Variants in CASS4 observed in about 807,000 individuals in gnomAD.
CASS4 encodes cas scaffolding protein family member 4.
In CASS4, 22 loss-of-function variants were observed where a neutral mutation model predicts 54.2. The observed-to-expected ratio is 0.41, with a 90% CI of 0.29 to 0.58. CASS4 has a LOEUF of 0.58. CASS4 is among the 20% of genes least tolerant of loss of function. The pLI, the probability that CASS4 is intolerant of heterozygous loss-of-function variation, is 0.36. For synonymous variants in CASS4, 409 were observed against 391.5 expected (o/e 1.04, Z -0.53); for missense variants, 854 against 986.7 (o/e 0.87, Z 1.80).
intron 1 of CASS4, among the ~76,000 whole-genome samples, chr20:56,418,409 G>A (rs1352542297): frequency 1.3e-5 from 2 of 152,172 alleles, no homozygotes; most frequent in Non-Finnish European, 2.9e-5. Flanking sequence ...GGGCCTGGTC[G>A]GCCGTGTAAG....
chr20:56,450,593 C>T lies in CASS4; in HGVS notation c.562-6C>T. On this transcript the variant is annotated splice_polypyrimidine_tract_variant and splice_region_variant and intron_variant, in intron 3 of 5. Transcript: ENST00000679887. ...CAAGTTGTCTGCCTTTGTGGTCTTT[C>T]CCCAGGAGCCAGAGAAGCAGCAGTT... 2 of 1,613,836 alleles carry T rather than the reference C, an allele frequency of 1.2e-6. No individual in the cohort carries two copies. The highest frequency in any genetic ancestry group is 1.7e-6 in the Non-Finnish European group (2 of 1,179,788).
In CASS4 at chr20:56,452,299, A is replaced by G; in HGVS notation, c.1123A>G (p.Asn375Asp). ...GGAGAAAGCCAAGGAGGTGTCAGAG[A>G]ATTCCGCGGGCCATAATTCCTCATG... Reference protein sequence around the residue: ...ELEKAKEVSENSAGHNSSWFS... With the variant: ...ELEKAKEVSEDSAGHNSSWFS... The change falls in exon 5 of 6, where the codon AAT becomes GAT. Residue 375 changes from asparagine (N) to aspartate (D), a missense_variant. Asn to Asp is a conservative substitution (Grantham distance 23). Transcript: ENST00000679887. The G allele has an allele frequency of 6.2e-7, 1 of 1,613,834 alleles. No individual in the cohort carries two copies.
At position 56,460,277 on chromosome 20, in the gene CASS4, T is replaced by G. The variant is rs995172596; in HGVS notation, c.*1530T>G. The G allele has an allele frequency of 4.6e-5, 7 of 152,582 alleles. No individual in the cohort carries two copies. Among genetic ancestry groups the G allele is most frequent in the Admixed American group, 2.0e-4 (3 of 15,286 alleles). The allele number at this position is 152,582 out of a possible 1,614,324, so 9.5% of individuals were successfully genotyped here. A position where few individuals can be genotyped will look rare whatever the true frequency, so the allele number is the denominator to read the frequency against. On this transcript the variant is annotated 3_prime_UTR_variant, in exon 6 of 6. Coordinates refer to ENST00000679887, the MANE Select transcript of CASS4 (RefSeq NM_020356.4). Reference sequence around the variant, plus strand: ...GTCTCAAATCTGTTACAATTTATATTGGTTGGTGCAAAAGTAATTGCGGTT... The same window carrying G: ...GTCTCAAATCTGTTACAATTTATATGGGTTGGTGCAAAAGTAATTGCGGTT...
chr20:56,420,055 A>T (rs773924285), intron 1 of CASS4, among the ~76,000 whole-genome samples: 41 of 152,212 alleles, frequency 2.7e-4, no homozygotes, highest in Non-Finnish European at 5.0e-4. Flanking sequence ...AAAAACAAAC[A>T]AACAAAAGAA....
chr20:56,432,449 C>A (rs1394112883), intron 1 of CASS4, among the ~76,000 whole-genome samples: 1 of 146,626 alleles, frequency 6.8e-6, no homozygotes, highest in Non-Finnish European at 1.5e-5. Flanking sequence ...CTCACTGCAA[C>A]CTCCACCTCC....
At chr20:56,448,842 A>G (rs1184248828) in intron 3 of CASS4, among the ~76,000 whole-genome samples, 6 of 152,186 alleles carry the variant, frequency 3.9e-5, no homozygotes, top group African/African-American at 1.4e-4. Flanking sequence ...GGGAGTGACA[A>G]TCAGATTTTT....
At chr20:56,448,186 GACTCATTTC>G (rs1393811822) in intron 3 of CASS4, among the ~76,000 whole-genome samples, 3 of 151,550 alleles carry the variant, frequency 2.0e-5, no homozygotes, top group African/African-American at 7.3e-5. Context: ...ACACTTGTAT[GACTCATTTC>G]ACTCATCTTG....
intron 2 of CASS4, among the ~76,000 whole-genome samples, chr20:56,439,215 C>A (rs1980343769): frequency 6.6e-6 from 1 of 152,008 alleles, no homozygotes; most frequent in South Asian, 2.1e-4. Context: ...GTCTCCCAGG[C>A]TGGAATGCAG....
intron 1 of CASS4, among the ~76,000 whole-genome samples, chr20:56,420,074 T>C (rs1489479684): frequency 3.3e-5 from 5 of 152,100 alleles, no homozygotes; most frequent in African/African-American, 9.7e-5. Flanking sequence ...AAAGCTCCTC[T>C]AGGAGATGAG....
rs528451703 is a variant in CASS4 at position 56,442,581 on chromosome 20, C to T, written c.460-3319C>T. Among the ~76,000 whole-genome samples, 7 of 151,918 alleles carry T rather than the reference C, an allele frequency of 4.6e-5. No individual in the cohort carries two copies. The South Asian group carries it at 1.5e-3, about 32-fold the overall frequency. ...GAAGCCTCCAGTGCCTTCTCTCTGT[C>T]ACTTCCCCACTAGGGTAACCACTAT... On this transcript the variant is annotated intron_variant, in intron 2 of 5. Coordinates refer to ENST00000679887, the MANE Select transcript of CASS4 (RefSeq NM_020356.4).
At chr20:56,454,640 G>A (rs997302563) in intron 5 of CASS4, among the ~76,000 whole-genome samples, 4 of 152,192 alleles carry the variant, frequency 2.6e-5, no homozygotes, top group African/African-American at 9.6e-5. Context: ...TTGGTAAGTT[G>A]AAGGGATTTT....
At chr20:56,456,385 T>TG (rs1981298049) in intron 5 of CASS4, among the ~76,000 whole-genome samples, 1 of 151,940 alleles carries the variant, frequency 6.6e-6, no homozygotes, top group Admixed American at 6.6e-5. Flanking sequence ...CTCTTCTTTT[T>TG]TTTTTTGAGA....
chr20:56,442,653 G>A (rs976312068), intron 2 of CASS4, among the ~76,000 whole-genome samples: 2 of 124,884 alleles, frequency 1.6e-5, no homozygotes, highest in Non-Finnish European at 3.1e-5. Context: ...AATATAATGT[G>A]CTGGCCTAAT....
intron 1 of CASS4, among the ~76,000 whole-genome samples, chr20:56,436,932 G>A (rs75131704): frequency 7.4e-4 from 113 of 152,210 alleles, no homozygotes; most frequent in African/African-American, 2.2e-3. Flanking sequence ...AGGACCATCC[G>A]ACCTCGTCTC....
At position 56,412,572 on chromosome 20, in the gene CASS4, T is replaced by C; in HGVS notation, c.36+78T>C. On this transcript the variant is annotated intron_variant, in intron 1 of 5. Coordinates refer to ENST00000679887, the MANE Select transcript of CASS4 (RefSeq NM_020356.4). The surrounding 1 kb of genome is among the most constrained non-coding windows in gnomAD (Gnocchi z 4.2). ...GATTAAGGGTGTTGACCAGCTTTAG[T>C]TGTGACTTTCTAATAAAGGTTGAAT... 1.4e-6 allele frequency: 2 copies of C among 1,456,990 alleles called. No individual in the cohort carries two copies. The highest frequency in any genetic ancestry group is 1.9e-6 in the Non-Finnish European group (2 of 1,060,458). The allele number at this position is 1,456,990 out of a possible 1,614,324, so 90.3% of individuals were successfully genotyped here.
At chr20:56,454,836 C>A (rs529770734) in intron 5 of CASS4, among the ~76,000 whole-genome samples, 1 of 152,332 alleles carries the variant, frequency 6.6e-6, no homozygotes, top group East Asian at 1.9e-4. Flanking sequence ...ACAGCCATGA[C>A]CCACATGGGC....
rs1351506925 is a variant in CASS4, at chr20:56,440,818, AG to A, written c.459+3239del. Among the ~76,000 whole-genome samples the A allele has an allele frequency of 3.3e-5, 5 of 152,184 alleles. No homozygotes were observed. The East Asian group carries it at 7.7e-4, about 24-fold the overall frequency. On this transcript the variant is annotated intron_variant, in intron 2 of 5. Transcript: ENST00000679887. The stretch of plus-strand genomic sequence containing the variant: ...AACAACAGAAACCGCAAGGAAATTC[AG>A]GGGGGGTCCCTTTAACCACTGAGCA...
intron 5 of CASS4, among the ~76,000 whole-genome samples, chr20:56,457,783 G>A (rs1330630690): frequency 1.3e-5 from 2 of 152,228 alleles, no homozygotes; most frequent in African/African-American, 2.4e-5. Context: ...AGGAGGCTGA[G>A]GTGGGCAGAT....
Position 56,453,135 on chromosome 20 carries a change from T to G in CASS4, c.1953+6T>G. 1.2e-6 allele frequency: 2 copies of G among 1,604,934 alleles called. No homozygotes were observed. Among genetic ancestry groups the G allele is most frequent in the Admixed American group, 1.7e-5 (1 of 59,590 alleles). Reference sequence around the variant, plus strand: ...GGGCAAATATCTGTGGACAGGTGAGTTCAGAGTTCCAAGTGATCGAAAAAG... The same window carrying G: ...GGGCAAATATCTGTGGACAGGTGAGGTCAGAGTTCCAAGTGATCGAAAAAG... On this transcript the variant is annotated splice_donor_region_variant and intron_variant, in intron 5 of 5. Coordinates refer to ENST00000679887, the MANE Select transcript of CASS4 (RefSeq NM_020356.4).
Sources: gnomAD v4.1 joint callset for allele counts (sites outside exome capture counted in the v4.1 genomes callset) on GRCh38, gnomAD v4.1.1 for gene constraint, Gnocchi (gnomAD v3.1) non-coding constraint, MANE v1.5 for transcripts, NCBI Gene and HGNC (gene_info 2026-07-23, HGNC 2026-07-21) for gene names.